Variants in SCAI observed in about 807,000 individuals in gnomAD.
SCAI encodes the protein suppressor of cancer cell invasion, also known as protein SCAI.
A neutral mutation model predicts 92.2 loss-of-function variants in SCAI; 24 were observed. The observed-to-expected ratio is 0.26, with a 90% CI of 0.19 to 0.37. SCAI has a LOEUF of 0.37. Ranked by LOEUF, SCAI falls within the 10% of genes least tolerant of loss-of-function variation. The pLI is 1.00. For synonymous variants in SCAI, 261 were observed against 258.6 expected, an observed-to-expected ratio of 1.01 and a Z score of -0.09; for missense variants, 450 against 736.2, an observed-to-expected ratio of 0.61 and a Z score of 4.50.
intron 2 of SCAI, among the ~76,000 whole-genome samples, chr9:125,108,164 C>T (rs1349162500): frequency 3.9e-5 from 6 of 152,268 alleles, no homozygotes; most frequent in African/African-American, 1.2e-4. Context: ...AGTGCAGTGG[C>T]GTGATCTCAG....
At chr9:125,127,497 T>A (rs1004803267) in intron 2 of SCAI, among the ~76,000 whole-genome samples, 1 of 151,712 alleles carries the variant, frequency 6.6e-6, no homozygotes, top group Non-Finnish European at 1.5e-5. Flanking sequence ...CCCAAAGTGC[T>A]GGGGTTACAG....
chr9:125,016,152 C>T lies in SCAI; in HGVS notation c.861+2647G>A, dbSNP rs560642207. Among the ~76,000 whole-genome samples, 39 of 147,368 alleles carry T rather than the reference C, an allele frequency of 2.6e-4. 1 individual carries two copies. In the East Asian group the frequency reaches 7.1e-3, roughly 27 times the overall value. ...ATATGTAACTAACCTGAACATTGTG[C>T]ACATGTACCCTAAAACTTAAAGTAT... On this transcript the variant is annotated intron_variant, in intron 9 of 17. Transcript: ENST00000336505.
intron 3 of SCAI, 122 bp downstream of exon 3, chr9:125,055,754 A>G (rs1833649240): frequency 1.7e-6 from 1 of 598,916 alleles, no homozygotes; most frequent in African/African-American, 1.9e-5. Flanking sequence ...AATCATGATC[A>G]CTCTAATACA....
At chr9:125,118,091 A>G (rs1210999676) in intron 2 of SCAI, among the ~76,000 whole-genome samples, 1 of 152,214 alleles carries the variant, frequency 6.6e-6, no homozygotes, top group Non-Finnish European at 1.5e-5. Flanking sequence ...ACCTGTAATC[A>G]ACTAATCACT....
intron 9 of SCAI, among the ~76,000 whole-genome samples, chr9:125,016,182 A>AT (rs1341355689): frequency 8.8e-3 from 194 of 21,962 alleles, no homozygotes; most frequent in African/African-American, 0.024. Flanking sequence ...AAGTATAATA[A>AT]AATAAAATAA....
intron 14 of SCAI, among the ~76,000 whole-genome samples, chr9:124,978,609 A>C (rs777698188): frequency 6.6e-6 from 1 of 152,242 alleles, no homozygotes; most frequent in Admixed American, 6.5e-5. Flanking sequence ...ACTCAAATGC[A>C]TATTAACACA....
intron 7 of SCAI, 50 bp from the exon 8 acceptor site, chr9:125,019,255 A>C: frequency 9.7e-7 from 1 of 1,033,124 alleles, no homozygotes; most frequent in Non-Finnish European, 1.5e-6. Context: ...CCATAAAAAC[A>C]CACAGCCATA....
chr9:125,032,190 TATA>T (rs1564386238), intron 3 of SCAI, among the ~76,000 whole-genome samples: 41 of 80,736 alleles, frequency 5.1e-4, no homozygotes, highest in African/African-American at 2.0e-3. Context: ...TATATATATA[TATA>T]TATTTTTTTT....
intron 8 of SCAI, 52 bp downstream of exon 8, chr9:125,019,052 AACT>A: frequency 6.6e-7 from 1 of 1,520,626 alleles, no homozygotes; most frequent in Non-Finnish European, 9.0e-7. Context: ...TAAAAACATA[AACT>A]ACACGGTCAT....
Position 125,010,545 on chromosome 9 carries a change from G to A in SCAI, c.862-6975C>T, listed in dbSNP as rs558602263. Reference sequence around the variant, plus strand: ...GCAGCCAGAAAGCTCGAACTGGGTCGAGCCTACCACGGCTCAAGGAGACCT... The same window carrying A: ...GCAGCCAGAAAGCTCGAACTGGGTCAAGCCTACCACGGCTCAAGGAGACCT... On this transcript the variant is annotated intron_variant, in intron 9 of 17. Transcript: ENST00000336505. Among the ~76,000 whole-genome samples, 116 of 152,326 alleles carry A rather than the reference G, an allele frequency of 7.6e-4. 2 individuals are homozygous for A. The East Asian group carries it at 0.018, about 24-fold the overall frequency.
At position 125,029,154 on chromosome 9, in the gene SCAI, C is replaced by A. The variant is rs1801382806; in HGVS notation, c.326+490G>T. On this transcript the variant is annotated intron_variant, in intron 4 of 17. Coordinates refer to ENST00000336505, the MANE Select transcript of SCAI (RefSeq NM_001144877.3). ...TACTTTTTTGAGACAGGGTCTCTCT[C>A]TGTTGCCCAAGCTGGAATGCAGTGA... Among the ~76,000 whole-genome samples, 2 of 151,960 alleles carry A rather than the reference C, an allele frequency of 1.3e-5. 1 individual carries two copies. Among genetic ancestry groups the A allele is most frequent in the African/African-American group, 4.8e-5 (2 of 41,352 alleles).
intron 7 of SCAI, among the ~76,000 whole-genome samples, chr9:125,020,021 A>T (rs1415457713): frequency 4.0e-5 from 6 of 150,378 alleles, no homozygotes; most frequent in Admixed American, 1.3e-4. Flanking sequence ...TTGCAGTGAG[A>T]CAAGATCATG....
intron 17 of SCAI, among the ~76,000 whole-genome samples, chr9:124,965,578 C>T (rs1831524676): frequency 6.6e-6 from 1 of 152,190 alleles, no homozygotes. Flanking sequence ...ATAAACGCTA[C>T]ATTTTCATTA....
At chr9:125,142,572 G>T (rs1471835760) in intron 2 of SCAI, 61 bp downstream of exon 2, 1 of 1,233,552 alleles carries the variant, frequency 8.1e-7, no homozygotes, top group South Asian at 1.2e-5. Flanking sequence ...TATGCAGTAC[G>T]GCACAGGTGC....
chr9:125,114,946 T>A (rs1264176551), intron 2 of SCAI, among the ~76,000 whole-genome samples: 2 of 152,004 alleles, frequency 1.3e-5, no homozygotes, highest in Admixed American at 6.6e-5. Flanking sequence ...CTAATTTTTA[T>A]ATGTTTAGTA....
At position 125,091,298 on chromosome 9, in the gene SCAI, C is replaced by T. The variant is rs933146399; in HGVS notation, c.99-35291G>A. Among the ~76,000 whole-genome samples, 4 of 152,196 alleles carry T rather than the reference C, an allele frequency of 2.6e-5. No homozygotes were observed. Among genetic ancestry groups the T allele is most frequent in the African/African-American group, 9.7e-5 (4 of 41,446 alleles). Reference sequence around the variant, plus strand: ...GAACCAGATTCTCCAGTCTTTCCATCCATGCTGTGAGGTACTTGACAACTT... The same window carrying T: ...GAACCAGATTCTCCAGTCTTTCCATTCATGCTGTGAGGTACTTGACAACTT... On this transcript the variant is annotated intron_variant, in intron 2 of 17. Coordinates refer to ENST00000336505, the MANE Select transcript of SCAI (RefSeq NM_001144877.3). The surrounding 1 kb of genome is among the most constrained non-coding windows in gnomAD (Gnocchi z 4.3).
intron 2 of SCAI, among the ~76,000 whole-genome samples, chr9:125,101,291 T>C (rs1404599328): frequency 6.6e-6 from 1 of 152,148 alleles, no homozygotes; most frequent in African/African-American, 2.4e-5. Context: ...CTGGCTACTG[T>C]ATTGGGAGAC....
At chr9:125,006,005 A>G (rs1468105988) in intron 9 of SCAI, among the ~76,000 whole-genome samples, 1 of 152,148 alleles carries the variant, frequency 6.6e-6, no homozygotes, top group Non-Finnish European at 1.5e-5. Flanking sequence ...AAGGTTTTTC[A>G]CTTAAAAAGA....
intron 2 of SCAI, among the ~76,000 whole-genome samples, chr9:125,086,677 C>T (rs1356532114): frequency 6.6e-6 from 1 of 152,144 alleles, no homozygotes; most frequent in East Asian, 1.9e-4. Context: ...AAAATGTAGT[C>T]TACAGAGGCA....
Sources: allele counts gnomAD v4.1 joint callset (sites outside exome capture counted in the v4.1 genomes callset), GRCh38; gene constraint gnomAD v4.1.1; non-coding constraint Gnocchi (gnomAD v3.1); transcripts MANE v1.5; gene names NCBI Gene and HGNC (gene_info 2026-07-23, HGNC 2026-07-21).